Variants in CDH26 observed in about 807,000 individuals in gnomAD.
CDH26 encodes cadherin 26, also known as cadherin-like protein 26.
Under a neutral mutation model 90.3 loss-of-function variants are expected in CDH26, and 83 were observed. The ratio of observed to expected loss-of-function variants is 0.92; its 90% CI spans 0.77 to 1.10. CDH26 has a LOEUF of 1.10. CDH26 is among the 50% of genes least tolerant of loss of function. The pLI, the probability that CDH26 is intolerant of heterozygous loss-of-function variation, is 0.00. For synonymous variants in CDH26, 397 were observed against 396.3 expected (o/e 1.00, Z -0.02); for missense variants, 1,013 against 1,037.6 (o/e 0.98, Z 0.33).
rs1295572684 is a variant in CDH26, at chr20:60,021,897, C to CACAT, written c.948-9333_948-9332insCATA. Among the ~76,000 whole-genome samples the CACAT allele has an allele frequency of 1.4e-3, 110 of 78,962 alleles. 2 individuals are homozygous for CACAT. Among genetic ancestry groups the CACAT allele is most frequent in the African/African-American group, 2.7e-3 (68 of 25,042 alleles). The allele number at this position is 78,962 out of a possible 152,430, so 51.8% of individuals were successfully genotyped here. ...ACACACACACACACACACACACACA[C>CACAT]ATATATATATATATATATATCCTGA... On this transcript the variant is annotated intron_variant, in intron 7 of 8. Coordinates refer to the CDH26 transcript ENST00000370991.
intron 9 of CDH26, among the ~76,000 whole-genome samples, chr20:59,991,422 C>T (rs1176969160): frequency 6.6e-6 from 1 of 152,192 alleles, no homozygotes; most frequent in African/African-American, 2.4e-5. Context: ...TCCTCTAGTT[C>T]TGCTTCATCT....
At chr20:59,993,852 C>T (rs1601160096) in intron 10 of CDH26, among the ~76,000 whole-genome samples, 1 of 152,206 alleles carries the variant, frequency 6.6e-6, no homozygotes, top group African/African-American at 2.4e-5. Flanking sequence ...ACAGTGTAAC[C>T]TTGTAACCAG....
chr20:60,033,533 G>T, exon 9 of CDH26: 1 of 1,304,340 alleles, frequency 7.7e-7, no homozygotes, highest in Non-Finnish European at 1.0e-6. Flanking sequence ...CTTGTTTAAG[G>T]TTATGCAGCT....
chr20:59,970,500 A>T (rs1444654502), intron 3 of CDH26, among the ~76,000 whole-genome samples: 116 of 140,252 alleles, frequency 8.3e-4, no homozygotes, highest in African/African-American at 2.4e-3. Flanking sequence ...TTTTTTTTTT[A>T]AATATTATTT....
intron 9 of CDH26, among the ~76,000 whole-genome samples, chr20:59,990,162 G>A (rs938390605): frequency 1.3e-5 from 2 of 152,164 alleles, no homozygotes; most frequent in Admixed American, 6.5e-5. Context: ...TGTCCTCAAA[G>A]TTCATGCACG....
intron 13 of CDH26, 77 bp from the exon 14 acceptor site, chr20:59,999,509 C>A: frequency 7.9e-7 from 1 of 1,263,394 alleles, no homozygotes; most frequent in South Asian, 1.2e-5. Flanking sequence ...GAGAAAATGT[C>A]ATTCCTTTCC....
In CDH26 at chr20:59,978,408, C is replaced by T. The variant is rs145897262; in HGVS notation, c.394-4515C>T. On this transcript the variant is annotated intron_variant, in intron 4 of 17. Coordinates refer to ENST00000348616, the MANE Select transcript of CDH26 (RefSeq NM_177980.4). Reference sequence around the variant, plus strand: ...TTTTTTTTTTTGAGATGAAGTCTTGCTCTGTCACCCAGGCTGGAGTGCAAT... The same window carrying T: ...TTTTTTTTTTTGAGATGAAGTCTTGTTCTGTCACCCAGGCTGGAGTGCAAT... Among the ~76,000 whole-genome samples, 889 of 150,056 alleles carry T rather than the reference C, an allele frequency of 5.9e-3. 5 individuals carry two copies. Among genetic ancestry groups the T allele is most frequent in the Non-Finnish European group, 9.3e-3 (630 of 67,756 alleles).
intron 7 of CDH26, among the ~76,000 whole-genome samples, chr20:60,023,165 A>G (rs982151144): frequency 2.6e-5 from 4 of 152,246 alleles, no homozygotes; most frequent in Non-Finnish European, 5.9e-5. Flanking sequence ...TACACAGTGT[A>G]GTGCAGGATA....
downstream of CDH26, among the ~76,000 whole-genome samples, chr20:60,017,070 G>GTTTTCTT (rs2061911362): frequency 6.6e-6 from 1 of 151,970 alleles, no homozygotes. Context: ...TTGGCCTGTA[G>GTTTTCTT]TTTTCTTTTT....
chr20:59,982,794 T>G (rs2061409538), intron 4 of CDH26, 129 bp from the exon 5 acceptor site: 1 of 1,067,950 alleles, frequency 9.4e-7, no homozygotes, highest in Non-Finnish European at 1.4e-6. Context: ...GCAGTCTGAT[T>G]CCTGCCCTCC....
At position 59,985,109 on chromosome 20, in the gene CDH26, C is replaced by T; in HGVS notation, c.817C>T (p.Pro273Ser). The T allele has an allele frequency of 6.2e-7, 1 of 1,613,782 alleles. No individual in the cohort carries two copies. The highest frequency in any genetic ancestry group is 1.1e-5 in the South Asian group (1 of 91,036). Residue 273 changes from proline to serine, a missense_variant, in exon 7 of 18, where the codon CCT becomes TCT. Transcript: ENST00000348616. ...TGTGCAAGAAGGCAACAACCACAGG[C>T]CTGCATTTACCCAGGAGAACGTGAG... is the stretch of plus-strand genomic sequence containing the variant. ...VDVQEGNNHR[P>S]AFTQENYKVQ...
chr20:59,990,656 C>T (rs938287359), intron 9 of CDH26, among the ~76,000 whole-genome samples: 2 of 152,180 alleles, frequency 1.3e-5, no homozygotes, highest in Admixed American at 6.5e-5. Context: ...GCTGATGACT[C>T]TAAGGGCTTC....
rs2061537756 is a variant in CDH26 at position 59,992,382 on chromosome 20, G to T, written c.1288G>T (p.Glu430Ter). ...AMDPDSQIRY[E>*]LVHDPANWVS... ...TGTCCGTTTTCCTTCTACAAGATAT[G>T]AACTGGTTCATGACCCAGCAAATTG... The change falls in exon 10 of 18, where the codon GAA becomes TAA. Residue 430 changes from glutamate to a stop codon, truncating the protein, a stop_gained. Coordinates refer to ENST00000348616, the MANE Select transcript of CDH26 (RefSeq NM_177980.4). LOFTEE classifies it high-confidence loss of function. The surrounding 1 kb of genome is among the most constrained non-coding windows in gnomAD (Gnocchi z 5.0). 4 of 1,613,386 alleles carry T rather than the reference G, an allele frequency of 2.5e-6. No homozygotes were observed. The highest frequency in any genetic ancestry group is 1.6e-4 in the Middle Eastern group (1 of 6,084).
rs559710591 is a variant in CDH26 at position 59,992,171 on chromosome 20, C to G, written c.1284-207C>G. Among the ~76,000 whole-genome samples the G allele has an allele frequency of 7.2e-4, 109 of 152,266 alleles. No individual in the cohort carries two copies. The highest frequency in any genetic ancestry group is 5.4e-3 in the Admixed American group (83 of 15,302). ...TCTGGTGAATGTCAATTCCACAGAC[C>G]TAGGAGAGTCTTTAGGCTGTCCTCC... On this transcript the variant is annotated intron_variant, in intron 9 of 17. Transcript: ENST00000348616. This position sits in a 1 kb window ranked among gnomAD's most constrained non-coding sequence, Gnocchi z 5.0.
At chr20:60,000,355 A>G (rs1343116436) in intron 14 of CDH26, among the ~76,000 whole-genome samples, 1 of 152,234 alleles carries the variant, frequency 6.6e-6, no homozygotes, top group East Asian at 1.9e-4. Context: ...CCCTACTTTG[A>G]AAACAAAGTT....
In CDH26 at chr20:60,001,053, G is replaced by A. The variant is rs145965192; in HGVS notation, c.2098-290G>A. On this transcript the variant is annotated intron_variant, in intron 14 of 17. Coordinates refer to ENST00000348616, the MANE Select transcript of CDH26 (RefSeq NM_177980.4). Reference sequence around the variant, plus strand: ...GTGTCACCTTCTAGATGTCATCTGCGTGTCTATGCAGTTTTCAGGTGTCTG... The same window carrying A: ...GTGTCACCTTCTAGATGTCATCTGCATGTCTATGCAGTTTTCAGGTGTCTG... Among the ~76,000 whole-genome samples, 5 of 152,204 alleles carry A rather than the reference G, an allele frequency of 3.3e-5. No homozygotes were observed. In the East Asian group the frequency reaches 5.8e-4, roughly 18 times the overall value.
intron 4 of CDH26, among the ~76,000 whole-genome samples, chr20:59,981,736 CA>C (rs1158166217): frequency 1.3e-5 from 2 of 152,000 alleles, no homozygotes; most frequent in South Asian, 4.1e-4. Flanking sequence ...CTGTAATTTA[CA>C]AAAATTTGAC....
intron 7 of CDH26, 37 bp from the exon 8 acceptor site, chr20:59,987,416 G>A (rs1250381745): frequency 6.5e-7 from 1 of 1,549,290 alleles, no homozygotes; most frequent in Non-Finnish European, 8.8e-7. Flanking sequence ...TTGTGTTTTT[G>A]TTTCCATGAC....
At chr20:59,972,429 A>G (rs925950439) in intron 4 of CDH26, among the ~76,000 whole-genome samples, 1 of 152,164 alleles carries the variant, frequency 6.6e-6, no homozygotes, top group Non-Finnish European at 1.5e-5. Flanking sequence ...ATGTTTATAA[A>G]ATGGGCTAAT....
Sources: allele counts gnomAD v4.1 joint callset (sites outside exome capture counted in the v4.1 genomes callset), GRCh38; gene constraint gnomAD v4.1.1; non-coding constraint Gnocchi (gnomAD v3.1); transcripts MANE v1.5; gene names NCBI Gene and HGNC (gene_info 2026-07-23, HGNC 2026-07-21).